RNF175: variants seen among roughly 807,000 people sequenced by gnomAD.
RNF175 encodes the protein ring finger protein 175.
Under a neutral mutation model 50.0 loss-of-function variants are expected in RNF175, and 38 were observed. The observed-to-expected ratio is 0.76, with a 90% CI of 0.59 to 1.00. RNF175 has a LOEUF of 1.00. RNF175 is among the 50% of genes least tolerant of loss of function. RNF175 has a pLI of 0.00. For synonymous variants in RNF175, 155 were observed against 146.1 expected (o/e 1.06, Z -0.44); for missense variants, 388 against 409.6 (o/e 0.95, Z 0.46).
chr4:153,747,581 C>T (rs563746022), intron 3 of RNF175, among the ~76,000 whole-genome samples: 1 of 152,304 alleles, frequency 6.6e-6, no homozygotes, highest in Admixed American at 6.5e-5. Context: ...CATATTTCTA[C>T]CAACATTCTG....
intron 8 of RNF175, among the ~76,000 whole-genome samples, chr4:153,711,309 G>T (rs916804566): frequency 4.6e-5 from 7 of 152,100 alleles, no homozygotes; most frequent in African/African-American, 1.7e-4. Context: ...TTAGCCTTGA[G>T]TTGGGCTTGA....
At chr4:153,750,312 T>G (rs1488673910) in intron 2 of RNF175, among the ~76,000 whole-genome samples, 5 of 152,174 alleles carry the variant, frequency 3.3e-5, no homozygotes, top group Non-Finnish European at 7.3e-5. Context: ...GATGGGTATG[T>G]GGGTTGGGTT....
intron 8 of RNF175, among the ~76,000 whole-genome samples, chr4:153,712,079 G>A (rs751383011): frequency 1.3e-5 from 2 of 151,900 alleles, no homozygotes; most frequent in East Asian, 1.9e-4. Flanking sequence ...TTCACATTTC[G>A]GCTTTTAAAA....
At chr4:153,757,641 C>T (rs1740628132) in intron 1 of RNF175, among the ~76,000 whole-genome samples, 1 of 152,070 alleles carries the variant, frequency 6.6e-6, no homozygotes, top group African/African-American at 2.4e-5. Flanking sequence ...GGCCTGCCCC[C>T]AGGCAGAGAG....
intron 2 of RNF175, among the ~76,000 whole-genome samples, chr4:153,750,334 CCAGCATTTCTA>C (rs1194979573): frequency 6.6e-6 from 1 of 152,156 alleles, no homozygotes; most frequent in Non-Finnish European, 1.5e-5. Flanking sequence ...TCTCCCTCTG[CCAGCATTTCTA>C]CAGCTACTCC....
chr4:153,741,799 A>G (rs1739672129), intron 3 of RNF175, among the ~76,000 whole-genome samples: 2 of 152,190 alleles, frequency 1.3e-5, no homozygotes, highest in Admixed American at 1.3e-4. Flanking sequence ...AAATGAGTAG[A>G]TAGAATCTTC....
At chr4:153,719,795 A>C (rs769374580) in intron 6 of RNF175, among the ~76,000 whole-genome samples, 8 of 152,200 alleles carry the variant, frequency 5.3e-5, no homozygotes, top group Admixed American at 2.0e-4. Flanking sequence ...CATCAACTAT[A>C]GTTTTTATTT....
intron 7 of RNF175, chr4:153,715,314 A>G: frequency 1.6e-6 from 1 of 614,836 alleles, no homozygotes; most frequent in Non-Finnish European, 3.0e-6. Context: ...TCCTCTTTAG[A>G]AAGGAAATTA....
chr4:153,725,575 T>C (rs1486639566), intron 4 of RNF175, among the ~76,000 whole-genome samples: 1 of 152,234 alleles, frequency 6.6e-6, no homozygotes, highest in African/African-American at 2.4e-5. Flanking sequence ...AGCGGTTTGT[T>C]GAATTAATGA....
chr4:153,716,884 G>A (rs1560769253), intron 6 of RNF175, among the ~76,000 whole-genome samples: 1 of 152,120 alleles, frequency 6.6e-6, no homozygotes, highest in African/African-American at 2.4e-5. Context: ...TCTCCTTCAG[G>A]TAAAGTCAAT....
intron 2 of RNF175, among the ~76,000 whole-genome samples, chr4:153,749,183 T>G (rs569539773): frequency 1.3e-5 from 2 of 152,244 alleles, no homozygotes; most frequent in Non-Finnish European, 2.9e-5. Flanking sequence ...AAGTCATTTA[T>G]CCTCTCTGAG....
At chr4:153,739,702 T>G (rs1322996270) in intron 3 of RNF175, among the ~76,000 whole-genome samples, 1 of 152,190 alleles carries the variant, frequency 6.6e-6, no homozygotes, top group African/African-American at 2.4e-5. Context: ...TTCAATACTT[T>G]AAATATTTTA....
chr4:153,748,580 T>TA (rs1440269393), intron 3 of RNF175, 65 bp downstream of exon 3: 19 of 1,430,208 alleles, frequency 1.3e-5, no homozygotes. Context: ...GAACATGTCC[T>TA]GGAAAAAAAC....
At chr4:153,751,122 C>T (rs1174177105) in intron 2 of RNF175, among the ~76,000 whole-genome samples, 1 of 152,180 alleles carries the variant, frequency 6.6e-6, no homozygotes, top group Non-Finnish European at 1.5e-5. Context: ...ACAGTATGCA[C>T]CAGAACACAG....
intron 3 of RNF175, among the ~76,000 whole-genome samples, chr4:153,728,925 G>A (rs1738872621): frequency 6.6e-6 from 1 of 152,188 alleles, no homozygotes; most frequent in Non-Finnish European, 1.5e-5. Context: ...ACTCTGCAAG[G>A]TTTCCTGTTC....
At chr4:153,738,018 T>A (rs917275754) in intron 3 of RNF175, among the ~76,000 whole-genome samples, 1 of 152,214 alleles carries the variant, frequency 6.6e-6, no homozygotes, top group African/African-American at 2.4e-5. Flanking sequence ...TCTTCTTGAA[T>A]AACTGACCCC....
intron 3 of RNF175, among the ~76,000 whole-genome samples, chr4:153,746,984 G>A (rs900086180): frequency 4.2e-4 from 64 of 152,202 alleles, no homozygotes; most frequent in Non-Finnish European, 2.9e-5. Context: ...CAAGGAGAAC[G>A]ATGCTGGAAT....
rs538825983 is a variant in RNF175 at position 153,735,928 on chromosome 4, T to C, written c.247-7567A>G. ...TTTCCATATAGACAATCATGTAAGA[T>C]GGTTTTAATTTTTCTTTCTAATCTG... On this transcript the variant is annotated intron_variant, in intron 3 of 8. Coordinates refer to ENST00000347063, the MANE Select transcript of RNF175 (RefSeq NM_173662.4). Among the ~76,000 whole-genome samples the C allele has an allele frequency of 3.2e-4, 48 of 152,346 alleles. No individual in the cohort carries two copies. The South Asian group carries it at 9.5e-3, about 30-fold the overall frequency.
chr4:153,740,753 C>CTGTG (rs1048447113), intron 3 of RNF175, among the ~76,000 whole-genome samples: 20 of 152,160 alleles, frequency 1.3e-4, no homozygotes, highest in Admixed American at 1.3e-3. Context: ...TCTCTTCAGA[C>CTGTG]TGTGTTTTTT....
Sources: allele counts gnomAD v4.1 joint callset (sites outside exome capture counted in the v4.1 genomes callset), GRCh38; gene constraint gnomAD v4.1.1; transcripts MANE v1.5; gene names NCBI Gene and HGNC (gene_info 2026-07-23, HGNC 2026-07-21).